CHST9: variants seen among roughly 807,000 people sequenced by gnomAD.
The protein encoded by CHST9 is carbohydrate sulfotransferase 9, also known as GalNAc-4-sulfotransferase 2.
CHST9 carries 41 observed loss-of-function variants against 44.4 expected under a neutral mutation model. The ratio of observed to expected loss-of-function variants is 0.92; its 90% confidence interval spans 0.72 to 1.20. The LOEUF (loss-of-function observed/expected upper bound fraction) is 1.20, where lower values mean the gene tolerates loss of function less well. Among genes scored for constraint, CHST9 ranks in the 50% most tolerant of loss-of-function variants. The pLI, the probability that CHST9 is intolerant of heterozygous loss-of-function variation, is 0.00. For synonymous variants in CHST9, 171 were observed against 178.4 expected, an observed-to-expected ratio of 0.96 and a Z score of 0.33; for missense variants, 504 against 516.5, an observed-to-expected ratio of 0.98 and a Z score of 0.23.
chr18:26,924,529 A>G (rs1481540762), intron 5 of CHST9: 2 of 687,174 alleles, frequency 2.9e-6, no homozygotes, highest in Non-Finnish European at 3.6e-6. Flanking sequence ...GGAGTAATTT[A>G]TAATATTACT....
At chr18:27,162,444 T>G (rs1353452555) in intron 1 of CHST9, among the ~76,000 whole-genome samples, 1 of 152,212 alleles carries the variant, frequency 6.6e-6, no homozygotes, top group African/African-American at 2.4e-5. Context: ...GCCCCCACTC[T>G]CTTCTGGCTT....
chr18:26,966,983 G>A (rs1379510402), intron 4 of CHST9, among the ~76,000 whole-genome samples: 1 of 151,976 alleles, frequency 6.6e-6, no homozygotes, highest in Non-Finnish European at 1.5e-5. Flanking sequence ...TTGGCCTGGG[G>A]ACTTGTCATT....
intron 2 of CHST9, among the ~76,000 whole-genome samples, chr18:27,118,959 C>A (rs1057138903): frequency 1.8e-4 from 28 of 152,182 alleles, no homozygotes; most frequent in African/African-American, 6.3e-4. Flanking sequence ...TTAACAGTTA[C>A]ATTTTGTAGG....
At chr18:27,045,090 T>G (rs2057484732) in intron 3 of CHST9, among the ~76,000 whole-genome samples, 1 of 151,996 alleles carries the variant, frequency 6.6e-6, no homozygotes, top group Non-Finnish European at 1.5e-5. Flanking sequence ...GGTAGCTTTT[T>G]GCAAATGATG....
chr18:27,000,654 ATCTC>A (rs773832183), intron 4 of CHST9, among the ~76,000 whole-genome samples: 1,878 of 150,412 alleles, frequency 0.012, 23 homozygotes, highest in South Asian at 0.041. Context: ...CTATCTATCT[ATCTC>A]TCTATCTATC....
At chr18:26,944,447 G>C in intron 4 of CHST9, 81 bp from the exon 5 acceptor site, 1 of 989,936 alleles carries the variant, frequency 1.0e-6, no homozygotes, top group Non-Finnish European at 1.6e-6. Context: ...TCTGTTTACA[G>C]TAAACACTTC....
intron 2 of CHST9, among the ~76,000 whole-genome samples, chr18:27,093,554 G>A (rs2058088944): frequency 1.3e-5 from 2 of 152,246 alleles, no homozygotes; most frequent in African/African-American, 4.8e-5. Context: ...CACTGAGCCA[G>A]GCATGGGAGA....
intron 4 of CHST9, among the ~76,000 whole-genome samples, chr18:26,960,108 G>T (rs1408296731): frequency 1.3e-5 from 2 of 152,154 alleles, no homozygotes; most frequent in African/African-American, 4.8e-5. Context: ...GATAAGCTCG[G>T]TTTAGCATTT....
At chr18:27,036,514 A>G (rs1463753806) in intron 3 of CHST9, among the ~76,000 whole-genome samples, 1 of 152,210 alleles carries the variant, frequency 6.6e-6, no homozygotes, top group Non-Finnish European at 1.5e-5. Context: ...TTGTTTCCCA[A>G]CATTTTGTTA....
intron 3 of CHST9, among the ~76,000 whole-genome samples, chr18:27,043,957 T>C (rs2057472011): frequency 6.6e-6 from 1 of 152,062 alleles, no homozygotes; most frequent in Non-Finnish European, 1.5e-5. Context: ...GCCATGCCTT[T>C]TCCCACTACC....
At chr18:27,060,399 G>A (rs2057707782) in intron 2 of CHST9, among the ~76,000 whole-genome samples, 1 of 152,200 alleles carries the variant, frequency 6.6e-6, no homozygotes, top group Non-Finnish European at 1.5e-5. Context: ...AGTGTTCAGT[G>A]TGAATTGCTG....
intron 5 of CHST9, among the ~76,000 whole-genome samples, chr18:26,942,494 G>A (rs915474262): frequency 2.0e-5 from 3 of 152,192 alleles, no homozygotes; most frequent in Admixed American, 6.5e-5. Context: ...TTAAGATTAT[G>A]AGTAAATATT....
At chr18:27,123,720 T>C (rs1301321424) in intron 2 of CHST9, among the ~76,000 whole-genome samples, 1 of 152,232 alleles carries the variant, frequency 6.6e-6, no homozygotes, top group Admixed American at 6.5e-5. Context: ...GTATTTCTTA[T>C]GTGCTGACAT....
At chr18:27,095,905 G>A (rs2058112049) in intron 2 of CHST9, among the ~76,000 whole-genome samples, 1 of 151,970 alleles carries the variant, frequency 6.6e-6, no homozygotes, top group Admixed American at 6.6e-5. Context: ...AAGAAATTCT[G>A]GACTTAAACT....
chr18:26,983,633 G>T (rs1383241750), intron 4 of CHST9, among the ~76,000 whole-genome samples: 1 of 152,096 alleles, frequency 6.6e-6, no homozygotes, highest in African/African-American at 2.4e-5. Flanking sequence ...TTTCTTTATA[G>T]CAATGCAAGA....
chr18:27,132,892 T>C (rs1465373836), intron 2 of CHST9, among the ~76,000 whole-genome samples: 1 of 152,190 alleles, frequency 6.6e-6, no homozygotes, highest in Non-Finnish European at 1.5e-5. Flanking sequence ...TTTTCTTCTT[T>C]CTCTTGCTCT....
intron 4 of CHST9, among the ~76,000 whole-genome samples, chr18:27,009,033 T>A (rs1045927333): frequency 5.3e-5 from 8 of 152,066 alleles, no homozygotes; most frequent in Admixed American, 5.2e-4. Context: ...TATAGAAATA[T>A]ACCTCTATAG....
chr18:26,919,507 A>T (rs189472157), intron 5 of CHST9, among the ~76,000 whole-genome samples: 392 of 152,292 alleles, frequency 2.6e-3, no homozygotes, highest in South Asian at 7.0e-3. Context: ...TATTTATACT[A>T]TTACACTGCT....
chr18:27,012,185 G>A (rs1232745142), intron 4 of CHST9, among the ~76,000 whole-genome samples: 1 of 151,996 alleles, frequency 6.6e-6, no homozygotes, highest in East Asian at 1.9e-4. Flanking sequence ...AACAATACAG[G>A]GTTTAGGGGG....
Sources: allele counts gnomAD v4.1 joint callset (sites outside exome capture counted in the v4.1 genomes callset), GRCh38; gene constraint gnomAD v4.1.1; transcripts MANE v1.5; gene names NCBI Gene and HGNC (gene_info 2026-07-23, HGNC 2026-07-21).